The following RNF125 variants were observed in gnomAD, a reference collection of about 807,000 sequenced individuals.
RNF125 encodes ring finger protein 125, also known as E3 ubiquitin-protein ligase RNF125.
In RNF125, 21 loss-of-function variants were observed where a neutral mutation model predicts 26.0. The observed-to-expected ratio is 0.81, with a 90% CI of 0.57 to 1.16. The LOEUF is 1.16. Among genes scored for constraint, RNF125 ranks in the 50% most tolerant of loss-of-function variants. RNF125 has a pLI of 0.00. For missense variants in RNF125, 270 were observed against 299.4 expected (o/e 0.90, Z 0.72); for synonymous variants, 95 against 109.2 (o/e 0.87, Z 0.81).
intron 4 of RNF125, among the ~76,000 whole-genome samples, chr18:32,061,068 A>G (rs2039429812): frequency 6.6e-6 from 1 of 152,170 alleles, no homozygotes; most frequent in Admixed American, 6.5e-5. Context: ...TCTGGCGCCC[A>G]GGCTGGAGTG....
chr18:32,026,343 G>T (rs1285479243), intron 1 of RNF125, among the ~76,000 whole-genome samples: 2 of 147,550 alleles, frequency 1.4e-5, no homozygotes, highest in Non-Finnish European at 3.0e-5. Flanking sequence ...CTGCCTCCCG[G>T]GTTCAAGCAA....
chr18:32,045,817 A>T, intron 4 of RNF125, 85 bp downstream of exon 4: 1 of 802,116 alleles, frequency 1.2e-6, no homozygotes. Flanking sequence ...ATATTTATAG[A>T]TACCTTATAA....
the RNF125 span, among the ~76,000 whole-genome samples, chr18:32,078,477 A>G: frequency 1.3e-5 from 2 of 152,138 alleles, no homozygotes; most frequent in Non-Finnish European, 2.9e-5. Context: ...AGATCGGTGA[A>G]TACATCATTC....
the RNF125 span, among the ~76,000 whole-genome samples, chr18:32,088,928 T>C: frequency 2.0e-5 from 3 of 152,218 alleles, no homozygotes; most frequent in Middle Eastern, 6.8e-3. Flanking sequence ...AAAGGTGGTT[T>C]AGATGGGTTG....
At chr18:32,090,453 A>C in the RNF125 span, among the ~76,000 whole-genome samples, 4 of 152,342 alleles carry the variant, frequency 2.6e-5, no homozygotes, top group South Asian at 8.3e-4. Context: ...TAAGGAGGAA[A>C]AGCAACAAAA....
intron 4 of RNF125, among the ~76,000 whole-genome samples, chr18:32,056,384 G>A (rs1022787447): frequency 2.0e-5 from 3 of 152,034 alleles, no homozygotes; most frequent in Middle Eastern, 3.2e-3. Flanking sequence ...GGCTGAGGTG[G>A]GCAGATCACC....
At chr18:32,067,178 G>A (rs551692002) in intron 5 of RNF125, among the ~76,000 whole-genome samples, 24 of 152,308 alleles carry the variant, frequency 1.6e-4, no homozygotes, top group Admixed American at 1.4e-3. Context: ...GTGTGAACTC[G>A]GGAGGCGGAG....
chr18:32,034,745 G>A (rs1198211384), intron 1 of RNF125, among the ~76,000 whole-genome samples: 1 of 151,146 alleles, frequency 6.6e-6, no homozygotes, highest in South Asian at 2.1e-4. Context: ...AAACACAGTC[G>A]CTACTAGAAG....
At chr18:32,078,785 T>C in the RNF125 span, among the ~76,000 whole-genome samples, 2,315 of 152,246 alleles carry the variant, frequency 0.015, 63 homozygotes, top group African/African-American at 0.053. Context: ...CTTTTCACTG[T>C]TTCTAAGGTT....
chr18:32,051,996 A>G (rs1183264027), intron 4 of RNF125, among the ~76,000 whole-genome samples: 2 of 151,850 alleles, frequency 1.3e-5, no homozygotes, highest in African/African-American at 4.8e-5. Context: ...CCTGAGTTCT[A>G]TATTTTCAAT....
intron 2 of RNF125, among the ~76,000 whole-genome samples, chr18:32,041,135 C>T (rs1286749884): frequency 2.0e-5 from 3 of 152,162 alleles, no homozygotes; most frequent in Non-Finnish European, 4.4e-5. Flanking sequence ...AAGATCTTAT[C>T]AGAGTTTCTA....
the RNF125 span, among the ~76,000 whole-genome samples, chr18:32,087,044 T>C: frequency 6.6e-6 from 1 of 152,088 alleles, no homozygotes; most frequent in Non-Finnish European, 1.5e-5. Flanking sequence ...ACATACACAC[T>C]CATGCTTAAA....
chr18:32,029,964 A>G (rs1279004793), intron 1 of RNF125, among the ~76,000 whole-genome samples: 1 of 152,206 alleles, frequency 6.6e-6, no homozygotes, highest in Non-Finnish European at 1.5e-5. Context: ...AGCACACCAT[A>G]AGAAAGAGCC....
intron 1 of RNF125, among the ~76,000 whole-genome samples, chr18:32,020,474 A>G (rs185424131): frequency 3.0e-4 from 46 of 151,976 alleles, no homozygotes; most frequent in Admixed American, 2.3e-3. Context: ...CATGTGTGAT[A>G]CCACAGTGGC....
chr18:32,040,612 T>C (rs1291475015), intron 2 of RNF125, among the ~76,000 whole-genome samples: 5 of 152,166 alleles, frequency 3.3e-5, no homozygotes, highest in Non-Finnish European at 5.9e-5. Flanking sequence ...AACATCCTTT[T>C]TTCTTCTGTT....
At chr18:32,083,513 G>T in the RNF125 span, among the ~76,000 whole-genome samples, 1 of 152,252 alleles carries the variant, frequency 6.6e-6, no homozygotes, top group South Asian at 2.1e-4. Context: ...TTTTAAAATT[G>T]GTGTCAGGCT....
At chr18:32,081,652 G>A in the RNF125 span, among the ~76,000 whole-genome samples, 1 of 152,240 alleles carries the variant, frequency 6.6e-6, no homozygotes, top group South Asian at 2.1e-4. Flanking sequence ...CTAAGGTACT[G>A]GGGTTAGAAC....
chr18:32,035,104 T>C (rs904523741), intron 1 of RNF125, among the ~76,000 whole-genome samples: 3 of 151,532 alleles, frequency 2.0e-5, no homozygotes, highest in Non-Finnish European at 2.9e-5. Context: ...GCTCATGCCT[T>C]CAGCAGGAGT....
downstream of RNF125, among the ~76,000 whole-genome samples, chr18:32,077,580 C>T (rs146828924): frequency 4.5e-3 from 677 of 151,940 alleles, no homozygotes; most frequent in African/African-American, 0.015. Context: ...AGGCTGGTCT[C>T]GAACTCCTGA....
Sources: gnomAD v4.1 joint callset for allele counts (sites outside exome capture counted in the v4.1 genomes callset) on GRCh38, gnomAD v4.1.1 for gene constraint, MANE v1.5 for transcripts, NCBI Gene and HGNC (gene_info 2026-07-23, HGNC 2026-07-21) for gene names.